Variants in ATP2B3 observed in about 807,000 individuals in gnomAD.
The protein encoded by ATP2B3 is plasma membrane calcium-transporting ATPase 3.
Under a neutral mutation model 70.8 loss-of-function variants are expected in ATP2B3, and 12 were observed. The ratio of observed to expected loss-of-function variants is 0.17; its 90% CI spans 0.11 to 0.27. ATP2B3 has a LOEUF of 0.27. Among genes scored for constraint, ATP2B3 ranks in the 10% least tolerant of loss-of-function variants. The probability of loss-of-function intolerance (pLI) is 1.00; values close to 1 mark genes in which losing one functional copy is unlikely to be tolerated. For synonymous variants in ATP2B3, 460 were observed against 497.8 expected (o/e 0.92, Z 1.01); for missense variants, 858 against 1,118.5 (o/e 0.77, Z 3.32).
At chrX:153,547,531 G>A (rs781856699) in intron 8 of ATP2B3, among the ~76,000 whole-genome samples, 22 of 111,318 alleles carry the variant, frequency 2.0e-4, no homozygotes, top group Non-Finnish European at 3.8e-5. Context: ...TATTATTTGG[G>A]GCATTCCAGG....
At chrX:153,573,160 C>T (rs1424017241) in intron 21 of ATP2B3, among the ~76,000 whole-genome samples, 13 of 112,424 alleles carry the variant, frequency 1.2e-4, no homozygotes, top group African/African-American at 3.6e-4. Flanking sequence ...CCCTCCGGGC[C>T]GTTTAGTTCC....
chrX:153,549,629 G>A lies in ATP2B3; in HGVS notation c.1471G>A (p.Gly491Arg). ...NRMTVVQSYL[G>R]DTHYKEIPAP... ...TATGACCGTGGTCCAGTCCTACCTA[G>A]GAGACACCCACTACAAAGAGATTCC... Residue 491 changes from glycine (G) to arginine (R), a missense_variant, in exon 11 of 22, where the codon GGA (glycine) becomes AGA (arginine). By Grantham distance (125) the Gly-to-Arg change is moderately radical (BLOSUM62 -2). Around this residue, in one of 5 missense-constraint regions of ATP2B3, gnomAD observed 242 missense variants for 281.3 expected, o/e 0.86. Transcript: ENST00000263519. The A allele has an allele frequency of 8.2e-7, 1 of 1,212,406 alleles. No individual in the cohort carries two copies. The highest frequency in any genetic ancestry group is 3.0e-5 in the East Asian group (1 of 33,864).
At chrX:153,522,402 G>A (rs1021386979) in intron 2 of ATP2B3, among the ~76,000 whole-genome samples, 49 of 112,330 alleles carry the variant, frequency 4.4e-4, no homozygotes, top group Non-Finnish European at 2.1e-4. Flanking sequence ...CTGAGGCCAC[G>A]AGGCCAGCCG....
Position 153,559,719 on chromosome X carries a change from C to T in ATP2B3, c.2626-10C>T, listed in dbSNP as rs981387030. 1 of 1,205,115 alleles carries T rather than the reference C, an allele frequency of 8.3e-7. No individual in the cohort carries two copies. The highest frequency in any genetic ancestry group is 1.7e-5 in the African/African-American group (1 of 57,732). ...CGGCCCATGGAAAGGTGACTGCCTC[C>T]TCTCCATAGGACTCTCCTCTCAAAG... is the stretch of plus-strand genomic sequence containing the variant. On this transcript the variant is annotated splice_polypyrimidine_tract_variant and intron_variant, in intron 17 of 21. Coordinates refer to ENST00000263519, the MANE Select transcript of ATP2B3 (RefSeq NM_001001344.3).
At chrX:153,549,873 A>C in intron 11 of ATP2B3, 134 bp downstream of exon 11, 1 of 1,063,890 alleles carries the variant, frequency 9.4e-7, no homozygotes, top group Non-Finnish European at 1.2e-6. Flanking sequence ...CCCTGGCCTC[A>C]CAGGTGGCTC....
rs782059069 is a variant in ATP2B3, at chrX:153,561,165, G to A, written c.3051+278G>A. Among the ~76,000 whole-genome samples, 16 of 112,246 alleles carry A rather than the reference G, an allele frequency of 1.4e-4. No individual in the cohort carries two copies. In the East Asian group the frequency reaches 3.9e-3, roughly 28 times the overall value. On this transcript the variant is annotated intron_variant, in intron 19 of 21. Coordinates refer to ENST00000263519, the MANE Select transcript of ATP2B3 (RefSeq NM_001001344.3). Reference sequence around the variant, plus strand: ...GGAACGAAGTTTTCTCACAGATGCTGGAAGGAGTCCTCCCTGGCTCCCTCT... The same window carrying A: ...GGAACGAAGTTTTCTCACAGATGCTAGAAGGAGTCCTCCCTGGCTCCCTCT...
chrX:153,544,507 G>A (rs1480592872), intron 7 of ATP2B3, among the ~76,000 whole-genome samples: 1 of 111,029 alleles, frequency 9.0e-6, no homozygotes, highest in Non-Finnish European at 1.9e-5. Flanking sequence ...TCCTACTTAG[G>A]AGTCAGAGCT....
chrX:153,562,837 G>A lies in ATP2B3; in HGVS notation c.3159+595G>A, dbSNP rs182829725. On this transcript the variant is annotated intron_variant, in intron 20 of 21. Transcript: ENST00000263519. Reference sequence around the variant, plus strand: ...TTAGACAACAGACACTTACTTTCTCGAAGTCCCGGAGGCTGGATATCCAAG... The same window carrying A: ...TTAGACAACAGACACTTACTTTCTCAAAGTCCCGGAGGCTGGATATCCAAG... 8.9e-5 allele frequency among the ~76,000 whole-genome samples: 10 copies of A among 112,384 alleles called. No homozygotes were observed. In the South Asian group the frequency reaches 1.1e-3, roughly 12 times the overall value.
At position 153,580,219 on chromosome X, in the gene ATP2B3, A is replaced by C. The variant is rs1282740743; in HGVS notation, c.3584A>C (p.His1195Pro). 44 of 1,170,080 alleles carry C rather than the reference A, an allele frequency of 3.8e-5. No homozygotes were observed. Among genetic ancestry groups the C allele is most frequent in the Non-Finnish European group, 5.0e-5 (44 of 874,498 alleles). ...GACAGCGGCATCTACCTGACCACGC[A>C]TGTCACCAAGTCAGCTACCTCTTCA... ...AIDSGIYLTT[H>P]VTKSATSSVF... Residue 1195 changes from histidine (H) to proline (P), a missense_variant, in exon 22 of 22, where the codon CAT (histidine) becomes CCT (proline). Physicochemically the swap from His to Pro is moderately conservative, Grantham distance 77 (BLOSUM62 -2). This residue lies in a region of ATP2B3 where 265 missense variants were observed against 305.3 expected (regional missense o/e 0.87). Transcript: ENST00000263519.
At position 153,553,347 on chromosome X, in the gene ATP2B3, C is replaced by T. The variant is rs1479546708; in HGVS notation, c.2058+78C>T. 10 of 906,525 alleles carry T rather than the reference C, an allele frequency of 1.1e-5. No homozygotes were observed. In the Admixed American group the frequency reaches 2.5e-4, roughly 23 times the overall value. The allele number at this position is 906,525 out of a possible 1,213,427, so 74.7% of individuals were successfully genotyped here. A position where few individuals can be genotyped will look rare whatever the true frequency, so the allele number is the denominator to read the frequency against. Reference sequence around the variant, plus strand: ...GCTTGTCCGGACTGGTAGGGGCGGCCTTCCTTCACACACAGCTGCTGCGGT... The same window carrying T: ...GCTTGTCCGGACTGGTAGGGGCGGCTTTCCTTCACACACAGCTGCTGCGGT... On this transcript the variant is annotated intron_variant, in intron 13 of 21. Transcript: ENST00000263519.
At chrX:153,534,386 C>T (rs1390937117) in intron 2 of ATP2B3, among the ~76,000 whole-genome samples, 1 of 112,047 alleles carries the variant, frequency 8.9e-6, no homozygotes, top group Non-Finnish European at 1.9e-5. Flanking sequence ...AAGGAGCCCG[C>T]CTCACCTGGG....
intron 11 of ATP2B3, 124 bp from the exon 12 acceptor site, chrX:153,549,921 T>G (rs2090431057): frequency 1.8e-6 from 2 of 1,105,575 alleles, no homozygotes; most frequent in Non-Finnish European, 1.2e-6. Context: ...CCGACCTTCC[T>G]CTGCTCCCTG....
intron 21 of ATP2B3, among the ~76,000 whole-genome samples, chrX:153,568,201 A>G (rs1474606103): frequency 8.9e-5 from 10 of 112,132 alleles, no homozygotes; most frequent in African/African-American, 3.2e-4. Context: ...CTTCAAACCC[A>G]GAACATGTAG....
intron 2 of ATP2B3, among the ~76,000 whole-genome samples, chrX:153,528,294 G>T (rs1217749050): frequency 8.9e-6 from 1 of 112,358 alleles, no homozygotes; most frequent in South Asian, 3.7e-4. Flanking sequence ...CCTTGAGTAG[G>T]CTCTCTAACC....
At chrX:153,549,858 C>T in intron 11 of ATP2B3, 119 bp downstream of exon 11, 1 of 1,066,053 alleles carries the variant, frequency 9.4e-7, no homozygotes, top group Non-Finnish European at 1.2e-6. Context: ...AGAACTTTTG[C>T]CCATCCCTGG....
chrX:153,520,397 C>G (rs1172247460), intron 2 of ATP2B3, among the ~76,000 whole-genome samples: 2 of 112,483 alleles, frequency 1.8e-5, no homozygotes, highest in African/African-American at 6.5e-5. Context: ...CCTCCTCCCC[C>G]ACCTCACAGA....
intron 2 of ATP2B3, among the ~76,000 whole-genome samples, chrX:153,528,809 G>A (rs1163765500): frequency 8.9e-6 from 1 of 112,411 alleles, no homozygotes; most frequent in East Asian, 2.8e-4. Flanking sequence ...TGGCAGGAAG[G>A]AGGGGAAGGG....
intron 16 of ATP2B3, 74 bp downstream of exon 16, chrX:153,557,097 T>A: frequency 1.0e-6 from 1 of 1,000,123 alleles, no homozygotes; most frequent in Non-Finnish European, 1.4e-6. Context: ...ATTAGCTTTG[T>A]ACCAGGAAGT....
intron 3 of ATP2B3, among the ~76,000 whole-genome samples, chrX:153,541,157 A>G (rs2090273023): frequency 8.9e-6 from 1 of 112,231 alleles, no homozygotes; most frequent in African/African-American, 3.2e-5. Flanking sequence ...AGAGAGCCGC[A>G]TGCTCACTCC....
Sources: gnomAD v4.1 joint callset for allele counts (sites outside exome capture counted in the v4.1 genomes callset) on GRCh38, gnomAD v4.1.1 for gene constraint, gnomAD v4.1.1 regional missense constraint, MANE v1.5 for transcripts, NCBI Gene and HGNC (gene_info 2026-07-23, HGNC 2026-07-21) for gene names.